The following CR1L variants were observed in gnomAD, a reference collection of about 807,000 sequenced individuals.
CR1L encodes complement C3b/C4b receptor 1 like, also known as complement component receptor 1-like protein.
A neutral mutation model predicts 62.3 loss-of-function variants in CR1L; 59 were observed. The ratio of observed to expected loss-of-function variants is 0.95; its 90% CI spans 0.77 to 1.18. CR1L has a LOEUF of 1.18. Ranked by LOEUF, CR1L falls within the 50% of genes most tolerant of loss-of-function variation. The probability of loss-of-function intolerance (pLI) is 0.00; values close to 1 mark genes in which losing one functional copy is unlikely to be tolerated. For missense variants in CR1L, 700 were observed against 702.8 expected, an observed-to-expected ratio of 1.00 and a Z score of 0.04; for synonymous variants, 279 against 248.7, an observed-to-expected ratio of 1.12 and a Z score of -1.15.
chr1:207,645,227 G>C lies in CR1L; in HGVS notation c.-7G>C, dbSNP rs756086299. The C allele has an allele frequency of 6.2e-7, 1 of 1,612,606 alleles. No homozygotes were observed. Among genetic ancestry groups the C allele is most frequent in the South Asian group, 1.1e-5 (1 of 91,026 alleles). Reference sequence around the variant, plus strand: ...CCGGATAAATCACGGGGTCTCCCGCGCCGCTCATGGCGCCTCCCGTCCGTC... The same window carrying C: ...CCGGATAAATCACGGGGTCTCCCGCCCCGCTCATGGCGCCTCCCGTCCGTC... On this transcript the variant is annotated 5_prime_UTR_variant, in exon 1 of 12. Transcript: ENST00000508064.
chr1:207,701,266 A>G (rs531402203), intron 8 of CR1L, among the ~76,000 whole-genome samples: 44 of 152,274 alleles, frequency 2.9e-4, no homozygotes, highest in African/African-American at 9.4e-4. Context: ...TTACATTTTG[A>G]TAAGGGATGC....
In CR1L at chr1:207,682,139, G is replaced by A. The variant is rs562949111; in HGVS notation, c.378-1733G>A. ...CTGCACATGTACCCCAGAACTTAAA[G>A]TATAATAAAAATTAATTAATTGATT... On this transcript the variant is annotated intron_variant, in intron 3 of 11. Coordinates refer to ENST00000508064, the MANE Select transcript of CR1L (RefSeq NM_175710.2). Among the ~76,000 whole-genome samples the A allele has an allele frequency of 3.3e-5, 5 of 152,116 alleles. No homozygotes were observed. The East Asian group carries it at 9.6e-4, about 29-fold the overall frequency.
chr1:207,709,297 G>C (rs943211243), intron 10 of CR1L: 1 of 155,860 alleles, frequency 6.4e-6, no homozygotes, highest in Non-Finnish European at 1.4e-5. Flanking sequence ...CCAACTATTC[G>C]GGAGACTGAG....
chr1:207,701,324 A>T (rs1438934190), intron 8 of CR1L, among the ~76,000 whole-genome samples, 195 bp from the exon 9 acceptor site: 2 of 152,070 alleles, frequency 1.3e-5, no homozygotes, highest in Admixed American at 1.3e-4. Flanking sequence ...ATCTGGAGGG[A>T]AGGTCTTTTT....
intron 4 of CR1L, among the ~76,000 whole-genome samples, chr1:207,685,006 G>C (rs1469983139): frequency 6.6e-6 from 1 of 151,940 alleles, no homozygotes; most frequent in Non-Finnish European, 1.5e-5. Context: ...AAACAGTTTT[G>C]CTATTTTGTA....
chr1:207,681,127 C>G (rs1472392402), intron 3 of CR1L, among the ~76,000 whole-genome samples: 2 of 152,186 alleles, frequency 1.3e-5, no homozygotes, highest in African/African-American at 2.4e-5. Context: ...TTTTTCCTAA[C>G]CCAACCACCT....
intron 1 of CR1L, among the ~76,000 whole-genome samples, chr1:207,656,824 C>T (rs1558010893): frequency 1.3e-5 from 2 of 152,140 alleles, no homozygotes; most frequent in Non-Finnish European, 2.9e-5. Context: ...CCACCAGGCC[C>T]CACCTCCAAC....
At chr1:207,704,579 T>C (rs916437364) in intron 9 of CR1L, among the ~76,000 whole-genome samples, 2 of 152,170 alleles carry the variant, frequency 1.3e-5, no homozygotes, top group African/African-American at 4.8e-5. Flanking sequence ...ATTGTTGTCT[T>C]AGATTAAGAA....
intron 1 of CR1L, among the ~76,000 whole-genome samples, chr1:207,674,724 T>G (rs1271004754): frequency 6.6e-6 from 1 of 152,230 alleles, no homozygotes; most frequent in Non-Finnish European, 1.5e-5. Flanking sequence ...CTTTTGGCGC[T>G]AGGAGAGCTC....
chr1:207,646,187 A>T (rs930035298), intron 1 of CR1L, among the ~76,000 whole-genome samples: 7 of 152,108 alleles, frequency 4.6e-5, no homozygotes, highest in African/African-American at 1.4e-4. Flanking sequence ...ATCTGATTCC[A>T]TTGCCTAGTG....
At chr1:207,705,999 A>G (rs1256571360) in intron 9 of CR1L, among the ~76,000 whole-genome samples, 15 of 114,210 alleles carry the variant, frequency 1.3e-4, no homozygotes, top group Non-Finnish European at 2.4e-4. Context: ...TGTCATATAT[A>G]TGTGTGTGTG....
intron 10 of CR1L, among the ~76,000 whole-genome samples, chr1:207,713,977 T>G (rs34355011): frequency 0.64 from 97,303 of 152,060 alleles, 32,471 homozygotes; most frequent in East Asian, 0.87. Flanking sequence ...TGGAATAACT[T>G]CCCTCCCCTA....
intron 4 of CR1L, among the ~76,000 whole-genome samples, chr1:207,688,314 G>A (rs1400034513): frequency 1.3e-5 from 2 of 152,076 alleles, no homozygotes; most frequent in African/African-American, 2.4e-5. Context: ...TTTATTAAAT[G>A]TTGCACCATG....
chr1:207,659,158 G>A, intron 1 of CR1L: 1 of 152,500 alleles, frequency 6.6e-6, no homozygotes, highest in Non-Finnish European at 1.5e-5. Flanking sequence ...ACGTGCCACA[G>A]TGCTGGCCAG....
chr1:207,694,306 A>C, intron 4 of CR1L, 47 bp from the exon 5 acceptor site: 1 of 1,607,286 alleles, frequency 6.2e-7, no homozygotes, highest in East Asian at 2.2e-5. Flanking sequence ...GACTCGTGAG[A>C]TTTTTGTCAT....
chr1:207,651,795 T>C (rs922591511), intron 1 of CR1L, among the ~76,000 whole-genome samples: 2 of 152,216 alleles, frequency 1.3e-5, no homozygotes, highest in Non-Finnish European at 2.9e-5. Flanking sequence ...GATGCAATGA[T>C]CAGTGAGGCA....
intron 11 of CR1L, among the ~76,000 whole-genome samples, chr1:207,721,299 G>C (rs1447206166): frequency 1.3e-5 from 2 of 150,670 alleles, no homozygotes; most frequent in East Asian, 3.9e-4. Flanking sequence ...CCACTAACTC[G>C]TCATCTAGCA....
intron 3 of CR1L, among the ~76,000 whole-genome samples, chr1:207,683,008 C>CTTTCTTTCTTTTTCTT (rs1358741580): frequency 1.6e-5 from 2 of 122,708 alleles, no homozygotes; most frequent in African/African-American, 3.2e-5. Flanking sequence ...TTCTTTCTTT[C>CTTTCTTTCTTTTTCTT]TTTTTCTTTC....
intron 3 of CR1L, among the ~76,000 whole-genome samples, chr1:207,680,208 G>T (rs2102459724): frequency 6.6e-6 from 1 of 152,300 alleles, no homozygotes; most frequent in East Asian, 1.9e-4. Flanking sequence ...ATGTATAGGG[G>T]CAGGGAGTAT....
Sources: gnomAD v4.1 joint callset for allele counts (sites outside exome capture counted in the v4.1 genomes callset) on GRCh38, gnomAD v4.1.1 for gene constraint, MANE v1.5 for transcripts, NCBI Gene and HGNC (gene_info 2026-07-23, HGNC 2026-07-21) for gene names.